Variants in TLK1 observed in about 807,000 individuals in gnomAD.
TLK1 encodes the protein serine/threonine-protein kinase tousled-like 1.
Under a neutral mutation model 105.3 loss-of-function variants are expected in TLK1, and 24 were observed. That is an observed-to-expected ratio of 0.23 (90% confidence interval 0.17 to 0.32). The LOEUF is 0.32. Among genes scored for constraint, TLK1 ranks in the 10% least tolerant of loss-of-function variants. The pLI, the probability that TLK1 is intolerant of heterozygous loss-of-function variation, is 1.00. For missense variants in TLK1, 558 were observed against 910.5 expected (o/e 0.61, Z 4.98); for synonymous variants, 321 against 310.4 (o/e 1.03, Z -0.36).
Position 171,061,066 on chromosome 2 carries a change from A to G in TLK1, c.406+15T>C. On this transcript the variant is annotated intron_variant, in intron 4 of 20. Transcript: ENST00000431350. ...AGTGTCCACTAGGCTCTGAAGGAAG[A>G]TGTTATGTGCTTACCCTGACTACTT... The G allele has an allele frequency of 6.2e-7, 1 of 1,610,990 alleles. No individual in the cohort carries two copies. Among genetic ancestry groups the G allele is most frequent in the Non-Finnish European group, 8.5e-7 (1 of 1,177,986 alleles).
intron 10 of TLK1, among the ~76,000 whole-genome samples, chr2:171,047,824 T>C (rs377600883): frequency 1.3e-5 from 2 of 152,354 alleles, no homozygotes; most frequent in Admixed American, 6.5e-5. Context: ...CTTTTATTTA[T>C]TTCTCTTCTC....
chr2:171,051,168 G>C (rs1239019708), intron 8 of TLK1, among the ~76,000 whole-genome samples: 1 of 152,088 alleles, frequency 6.6e-6, no homozygotes, highest in Non-Finnish European at 1.5e-5. Flanking sequence ...CTTGAAACCT[G>C]ATTCTAAAAT....
At chr2:171,037,615 T>C (rs1054491365) in intron 11 of TLK1, among the ~76,000 whole-genome samples, 3 of 146,686 alleles carry the variant, frequency 2.0e-5, no homozygotes, top group Admixed American at 1.3e-4. Flanking sequence ...ATTTTTCGTA[T>C]CTATTAAGAT....
intron 2 of TLK1, among the ~76,000 whole-genome samples, chr2:171,086,942 G>C (rs1045710903): frequency 3.9e-5 from 6 of 152,104 alleles, no homozygotes; most frequent in Non-Finnish European, 8.8e-5. Context: ...TGCAAAAACG[G>C]AGCAGACGAT....
At chr2:171,195,495 C>A in intron 1 of TLK1, among the ~76,000 whole-genome samples, 1 of 111,982 alleles carries the variant, frequency 8.9e-6, no homozygotes. Context: ...GAGCAAGACT[C>A]TGTCTCAAAA....
intron 20 of TLK1, 100 bp downstream of exon 20, chr2:170,996,553 A>C (rs1341281332): frequency 2.2e-6 from 2 of 891,772 alleles, no homozygotes; most frequent in East Asian, 5.2e-5. Context: ...TGCAGCAGCG[A>C]GTCTTGTGAC....
At chr2:171,126,960 A>G (rs6716127) in intron 1 of TLK1, among the ~76,000 whole-genome samples, 61,109 of 151,558 alleles carry the variant, frequency 0.4, 14,049 homozygotes, top group African/African-American at 0.61. Context: ...TAATGCACTC[A>G]AAAGTATCGA....
At chr2:171,012,704 C>G (rs1261375888) in intron 13 of TLK1, among the ~76,000 whole-genome samples, 1 of 152,100 alleles carries the variant, frequency 6.6e-6, no homozygotes, top group African/African-American at 2.4e-5. Flanking sequence ...GTCTCAAACT[C>G]CTGGCCTTGT....
intron 18 of TLK1, among the ~76,000 whole-genome samples, chr2:171,003,696 G>A (rs1453148222): frequency 6.6e-6 from 1 of 152,196 alleles, no homozygotes; most frequent in Non-Finnish European, 1.5e-5. Flanking sequence ...TAGCAACAAG[G>A]TGTAGCTACA....
At chr2:171,122,328 A>G (rs1690687872) in intron 1 of TLK1, among the ~76,000 whole-genome samples, 1 of 152,204 alleles carries the variant, frequency 6.6e-6, no homozygotes, top group African/African-American at 2.4e-5. Context: ...GGCACATAAT[A>G]GGTGCTTAGC....
At chr2:171,105,666 G>A (rs998273174) in intron 2 of TLK1, among the ~76,000 whole-genome samples, 1 of 151,838 alleles carries the variant, frequency 6.6e-6, no homozygotes, top group Admixed American at 6.6e-5. Flanking sequence ...CCAGCCTGGC[G>A]ACAGAGCGAG....
intron 1 of TLK1, among the ~76,000 whole-genome samples, chr2:171,220,305 C>T (rs998718148): frequency 6.6e-6 from 1 of 152,188 alleles, no homozygotes; most frequent in Admixed American, 6.5e-5. Context: ...TGGCAGCCAG[C>T]CTTCAAGATG....
chr2:171,014,124 C>T, intron 13 of TLK1, among the ~76,000 whole-genome samples: 1 of 152,182 alleles, frequency 6.6e-6, no homozygotes, highest in East Asian at 1.9e-4. Context: ...TTCTCCTTCA[C>T]TACTATAACA....
chr2:170,990,875 AC>A lies in TLK1; in HGVS notation c.*2904del, dbSNP rs1431990171. On this transcript the variant is annotated 3_prime_UTR_variant, in exon 21 of 21. Coordinates refer to ENST00000431350, the MANE Select transcript of TLK1 (RefSeq NM_012290.5). Reference sequence around the variant, plus strand: ...GTAATGATGAACAGCAAAACAACACACAATATACTCTTTAAATGTTTCACTG... The same window carrying A: ...GTAATGATGAACAGCAAAACAACACAAATATACTCTTTAAATGTTTCACTG... 1 of 134,186 alleles carries A rather than the reference AC, an allele frequency of 7.5e-6. No homozygotes were observed. The highest frequency in any genetic ancestry group is 1.7e-5 in the Non-Finnish European group (1 of 59,322). The allele number at this position is 134,186 out of a possible 1,614,324, so 8.3% of individuals were successfully genotyped here. A position where few individuals can be genotyped will look rare whatever the true frequency, so the allele number is the denominator to read the frequency against.
intron 2 of TLK1, among the ~76,000 whole-genome samples, chr2:171,108,156 T>A (rs1260365895): frequency 6.6e-6 from 1 of 151,810 alleles, no homozygotes; most frequent in Non-Finnish European, 1.5e-5. Flanking sequence ...GAACACAAAT[T>A]AAGCAAAACT....
chr2:171,189,040 T>C (rs1575651938), intron 1 of TLK1, among the ~76,000 whole-genome samples: 1 of 152,126 alleles, frequency 6.6e-6, no homozygotes, highest in East Asian at 1.9e-4. Flanking sequence ...CATATAAGAA[T>C]TATAAGTCAA....
At chr2:171,023,697 A>C (rs1335453370) in intron 12 of TLK1, among the ~76,000 whole-genome samples, 1 of 152,204 alleles carries the variant, frequency 6.6e-6, no homozygotes, top group African/African-American at 2.4e-5. Flanking sequence ...TTGGGGTATT[A>C]TGACTAATAA....
chr2:171,220,426 T>C (rs1024832735), intron 1 of TLK1, among the ~76,000 whole-genome samples: 1 of 152,252 alleles, frequency 6.6e-6, no homozygotes, highest in Non-Finnish European at 1.5e-5. Flanking sequence ...CAGTGTATGA[T>C]TTCCAGACAA....
intron 2 of TLK1, among the ~76,000 whole-genome samples, chr2:171,103,552 AT>A (rs1414795791): frequency 6.6e-6 from 1 of 151,988 alleles, no homozygotes. Context: ...TCAAATTTAT[AT>A]TTAATTGCAC....
Sources: allele counts gnomAD v4.1 joint callset (sites outside exome capture counted in the v4.1 genomes callset), GRCh38; gene constraint gnomAD v4.1.1; transcripts MANE v1.5; gene names NCBI Gene and HGNC (gene_info 2026-07-23, HGNC 2026-07-21).